Variants in PCYT2 observed in about 807,000 individuals in gnomAD.
PCYT2 encodes phosphate cytidylyltransferase 2, ethanolamine, also known as ethanolamine-phosphate cytidylyltransferase.
Under a neutral mutation model 50.0 loss-of-function variants are expected in PCYT2, and 33 were observed. The ratio of observed to expected loss-of-function variants is 0.66; its 90% confidence interval spans 0.50 to 0.88. PCYT2 has a LOEUF of 0.88. Ranked by LOEUF, PCYT2 falls within the 40% of genes least tolerant of loss-of-function variation. The pLI is 0.00. For synonymous variants in PCYT2, 240 were observed against 203.7 expected, an observed-to-expected ratio of 1.18 and a Z score of -1.52; for missense variants, 430 against 519.7, an observed-to-expected ratio of 0.83 and a Z score of 1.68.
Position 81,904,887 on chromosome 17 carries a change from C to T in PCYT2, c.1116G>A (p.Glu372=), listed in dbSNP as rs1368176765. 2 of 1,613,062 alleles carry T rather than the reference C, an allele frequency of 1.2e-6. No homozygotes were observed. The highest frequency in any genetic ancestry group is 8.5e-7 in the Non-Finnish European group (1 of 1,179,918). The change falls in exon 13 of 13, where the codon GAG becomes GAA. Residue 372 remains glutamate, a synonymous_variant. Transcript: ENST00000538936. ...GCTGTGCCGCCTGCTGCCTGGCAGCCTCCAGGAAGGCCAGCTCCTTGGCTT... is the reference window on the plus strand; with the variant it reads ...GCTGTGCCGCCTGCTGCCTGGCAGCTTCCAGGAAGGCCAGCTCCTTGGCTT... ...KKEAKELAFL[E]AARQQAAQPL...
At chr17:81,905,808 G>A in intron 9 of PCYT2, 73 bp from the exon 10 acceptor site, 1 of 1,493,408 alleles carries the variant, frequency 6.7e-7, no homozygotes, top group Non-Finnish European at 9.3e-7. Context: ...AGGGTGGTGA[G>A]AGACGGCTCA....
Position 81,911,318 on chromosome 17 carries a change from T to C in PCYT2, c.38A>G (p.Glu13Gly), listed in dbSNP as rs1332806865. 6.2e-6 allele frequency: 7 copies of C among 1,125,834 alleles called. No homozygotes were observed. Among genetic ancestry groups the C allele is most frequent in the Non-Finnish European group, 7.7e-6 (7 of 909,938 alleles). 69.7% of individuals were successfully genotyped at this position (1,125,834 alleles called of 1,614,324 possible). ...RNGRGAAGGAEQPGPGGRRAV... is the reference protein window; with the variant it reads ...RNGRGAAGGAGQPGPGGRRAV... ...GCGCCTGCCCCCCGGGCCCGGCTGC[T>C]CTGCGCCGCCTGCAGCCCCGCGCCC... Residue 13 changes from glutamate (E) to glycine (G), a missense_variant, in exon 1 of 13, where the codon GAG becomes GGG. Coordinates refer to ENST00000538936, the MANE Select transcript of PCYT2 (RefSeq NM_002861.5).
At chr17:81,909,735 T>C (rs1266607528) in intron 1 of PCYT2, 133 bp from the exon 2 acceptor site, 7 of 679,308 alleles carry the variant, frequency 1.0e-5, no homozygotes, top group South Asian at 6.3e-5. Flanking sequence ...CTGGGAGCCC[T>C]GGGACTGGGA....
rs920307388 is a variant in PCYT2, at chr17:81,905,568, C to G, written c.903+102G>C. ...CCTGCCCTTTCCTCAGCCCAGGTAC[C>G]TCCTGGGCCCCGCCTAGGAGCCCAC... On this transcript the variant is annotated intron_variant, in intron 10 of 12. Coordinates refer to ENST00000538936, the MANE Select transcript of PCYT2 (RefSeq NM_002861.5). 4.2e-6 allele frequency: 6 copies of G among 1,422,688 alleles called. No homozygotes were observed. The African/African-American group carries it at 8.4e-5, about 20-fold the overall frequency. The allele number at this position is 1,422,688 out of a possible 1,614,324, so 88.1% of individuals were successfully genotyped here.
intron 4 of PCYT2, 21 bp downstream of exon 4, chr17:81,908,547 A>C (rs74006131): frequency 1.2e-6 from 2 of 1,600,040 alleles, no homozygotes; most frequent in Non-Finnish European, 1.7e-6. Flanking sequence ...CTGGATGGCC[A>C]GGCCCGCGGT....
Position 81,908,568 on chromosome 17 carries a change from C to T in PCYT2, c.407G>A (p.Arg136Lys), listed in dbSNP as rs2040406042. 1 of 1,611,970 alleles carries T rather than the reference C, an allele frequency of 6.2e-7. No homozygotes were observed. The highest frequency in any genetic ancestry group is 8.5e-7 in the Non-Finnish European group (1 of 1,178,368). The stretch of plus-strand genomic sequence containing the variant: ...GGCCAGGCCCGCGGTGGAGACTCAC[C>T]TGTACCTCCCAGCCTGCTTTACTTC... ...YEEVKQAGRYRECKRTQGVST... is the reference protein window; with the variant it reads ...YEEVKQAGRYKECKRTQGVST... The change falls in exon 4 of 13, where the codon AGA (arginine) becomes AAA (lysine). Residue 136 changes from arginine (R) to lysine (K), a missense_variant and splice_region_variant. By Grantham distance (26) the Arg-to-Lys change is conservative. Transcript: ENST00000538936.
chr17:81,904,746 G>T lies in PCYT2; in HGVS notation c.*87C>A. ...AGCCCTTCCAGAGCCAGGCCAGTTA[G>T]AGAGGGCGGCCCTGCAGAGTCCTAT... On this transcript the variant is annotated 3_prime_UTR_variant, in exon 13 of 13. Transcript: ENST00000538936. 1.2e-6 allele frequency: 1 copy of T among 852,122 alleles called. No individual in the cohort carries two copies. The highest frequency in any genetic ancestry group is 1.8e-6 in the Non-Finnish European group (1 of 555,316). 52.8% of individuals were successfully genotyped at this position (852,122 alleles called of 1,614,324 possible). A position where few individuals can be genotyped will look rare whatever the true frequency, so the allele number is the denominator to read the frequency against.
chr17:81,905,599 G>T, intron 10 of PCYT2, 71 bp downstream of exon 10: 1 of 1,511,326 alleles, frequency 6.6e-7, no homozygotes, highest in African/African-American at 1.4e-5. Context: ...CCCACAGCCA[G>T]CCTGCATTCC....
chr17:81,903,013 T>TTGGCC lies in PCYT2; in HGVS notation c.*1815_*1819dup. The TTGGCC allele has an allele frequency of 2.0e-6, 1 of 488,756 alleles. No individual in the cohort carries two copies. Among genetic ancestry groups the TTGGCC allele is most frequent in the Non-Finnish European group, 3.6e-6 (1 of 279,562 alleles). 30.3% of individuals were successfully genotyped at this position (488,756 alleles called of 1,614,324 possible). ...CCGAGTGTGCGGCGGCAGGGCAAGG[T>TTGGCC]TGGCCTGGGCCGCCCAGAGGTCTTC... On this transcript the variant is annotated 3_prime_UTR_variant, in exon 13 of 13. Coordinates refer to ENST00000538936, the MANE Select transcript of PCYT2 (RefSeq NM_002861.5).
Position 81,911,294 on chromosome 17 carries a change from C to T in PCYT2, c.62G>A (p.Arg21His), listed in dbSNP as rs757042124. Residue 21 changes from arginine to histidine, a missense_variant, in exon 1 of 13, where the codon CGC becomes CAC. This residue lies in a region of PCYT2 where 63 missense variants were observed against 37.5 expected (regional missense o/e 1.68). Transcript: ENST00000538936. ...GCCATCGCACCACACCCTCACGGCGCGCCTGCCCCCCGGGCCCGGCTGCTC... is the reference window on the plus strand; with the variant it reads ...GCCATCGCACCACACCCTCACGGCGTGCCTGCCCCCCGGGCCCGGCTGCTC... Reference protein sequence around the residue: ...GAEQPGPGGRRAVRVWCDGCY... With the variant: ...GAEQPGPGGRHAVRVWCDGCY... 6.9e-5 allele frequency: 79 copies of T among 1,139,816 alleles called. No individual in the cohort carries two copies. The highest frequency in any genetic ancestry group is 6.0e-4 in the South Asian group (28 of 46,972). The allele number at this position is 1,139,816 out of a possible 1,614,324, so 70.6% of individuals were successfully genotyped here.
intron 9 of PCYT2, 68 bp from the exon 10 acceptor site, chr17:81,905,803 G>T: frequency 6.7e-7 from 1 of 1,495,350 alleles, no homozygotes; most frequent in Non-Finnish European, 9.3e-7. Context: ...GCCACAGGGT[G>T]GTGAGAGACG....
At chr17:81,907,346 C>T in intron 6 of PCYT2, 1 of 1,338,160 alleles carries the variant, frequency 7.5e-7, no homozygotes, top group Non-Finnish European at 1.0e-6. Context: ...GCTGCCGTGA[C>T]CGGCCAGCCG....
At chr17:81,910,267 T>C (rs899168596) in intron 1 of PCYT2, among the ~76,000 whole-genome samples, 1 of 152,240 alleles carries the variant, frequency 6.6e-6, no homozygotes, top group Non-Finnish European at 1.5e-5. Context: ...TGGGCCTCGC[T>C]GCCCTGGCTT....
chr17:81,908,766 C>T (rs973852669), intron 3 of PCYT2, 110 bp downstream of exon 3: 4 of 1,348,734 alleles, frequency 3.0e-6, no homozygotes, highest in Admixed American at 1.9e-5. Context: ...CCGGAAATGT[C>T]TCAGATCCTC....
chr17:81,907,919 T>C, intron 4 of PCYT2, 62 bp from the exon 5 acceptor site: 1 of 1,367,208 alleles, frequency 7.3e-7, no homozygotes, highest in Non-Finnish European at 1.0e-6. Flanking sequence ...TGCCTCCTGC[T>C]ACCACCACTA....
intron 4 of PCYT2, among the ~76,000 whole-genome samples, 164 bp downstream of exon 4, chr17:81,908,404 C>A (rs1351725785): frequency 6.6e-6 from 1 of 152,262 alleles, no homozygotes; most frequent in Non-Finnish European, 1.5e-5. Flanking sequence ...CAGGCCACCC[C>A]ACAATGGCAC....
At position 81,906,856 on chromosome 17, in the gene PCYT2, G is replaced by A. The variant is rs565561672; in HGVS notation, c.580C>T (p.Leu194=). ...TGGATGATCTTCTGAGATGTCTGCAGGAACTGGGATACCCCGGTCCAGGGG... is the reference window on the plus strand; with the variant it reads ...TGGATGATCTTCTGAGATGTCTGCAAGAACTGGGATACCCCGGTCCAGGGG... The part of the protein sequence containing the change: ...RNPWTGVSQF[L]QTSQKIIQFA... The change falls in exon 7 of 13, where the codon CTG becomes TTG. Residue 194 remains leucine (L), a synonymous_variant. Transcript: ENST00000538936. The A allele has an allele frequency of 1.2e-6, 2 of 1,613,420 alleles. No individual in the cohort carries two copies. The highest frequency in any genetic ancestry group is 2.7e-5 in the African/African-American group (2 of 75,054).
In PCYT2 at chr17:81,907,545, C is replaced by T. The variant is rs936381545; in HGVS notation, c.537+9G>A. 13 of 1,606,962 alleles carry T rather than the reference C, an allele frequency of 8.1e-6. No individual in the cohort carries two copies. Among genetic ancestry groups the T allele is most frequent in the African/African-American group, 2.7e-5 (2 of 74,906 alleles). On this transcript the variant is annotated intron_variant, in intron 6 of 12. Coordinates refer to ENST00000538936, the MANE Select transcript of PCYT2 (RefSeq NM_002861.5). Reference sequence around the variant, plus strand: ...GCGTGCTCAGCTCTCCCTGCACAGCCGCACTCACCTTGCCAAAACTGTCTG... The same window carrying T: ...GCGTGCTCAGCTCTCCCTGCACAGCTGCACTCACCTTGCCAAAACTGTCTG...
Position 81,904,104 on chromosome 17 carries a change from T to C in PCYT2, c.*729A>G, listed in dbSNP as rs68168570. The C allele has an allele frequency of 0.086, 13,030 of 152,374 alleles. 781 individuals are homozygous for C. Among genetic ancestry groups the C allele is most frequent in the South Asian group, 0.16 (796 of 4,828 alleles). The allele number at this position is 152,374 out of a possible 1,614,324, so 9.4% of individuals were successfully genotyped here. A position where few individuals can be genotyped will look rare whatever the true frequency, so the allele number is the denominator to read the frequency against. On this transcript the variant is annotated 3_prime_UTR_variant, in exon 13 of 13. Coordinates refer to ENST00000538936, the MANE Select transcript of PCYT2 (RefSeq NM_002861.5). ...CCCAGGCTTTGGAGGGCTGGAGGCCTGGGTTTCACTCACTGCCAGGCTGCC... is the reference window on the plus strand; with the variant it reads ...CCCAGGCTTTGGAGGGCTGGAGGCCCGGGTTTCACTCACTGCCAGGCTGCC...
Sources: gnomAD v4.1 joint callset for allele counts (sites outside exome capture counted in the v4.1 genomes callset) on GRCh38, gnomAD v4.1.1 for gene constraint, gnomAD v4.1.1 regional missense constraint, MANE v1.5 for transcripts, NCBI Gene and HGNC (gene_info 2026-07-23, HGNC 2026-07-21) for gene names.